Variants in RBM33 observed in about 807,000 individuals in gnomAD.
RBM33 encodes the protein RNA-binding protein 33.
Under a neutral mutation model 132.6 loss-of-function variants are expected in RBM33, and 28 were observed. The ratio of observed to expected loss-of-function variants is 0.21; its 90% CI spans 0.16 to 0.29. RBM33 has a LOEUF of 0.29. RBM33 is among the 10% of genes least tolerant of loss of function. The probability of loss-of-function intolerance (pLI) is 1.00; values close to 1 mark genes in which losing one functional copy is unlikely to be tolerated. For missense variants in RBM33, 1,291 were observed against 1,518.5 expected, an observed-to-expected ratio of 0.85 and a Z score of 2.49; for synonymous variants, 634 against 593.0, an observed-to-expected ratio of 1.07 and a Z score of -1.01.
chr7:155,751,110 G>A (rs568346264), intron 14 of RBM33, among the ~76,000 whole-genome samples: 12 of 152,176 alleles, frequency 7.9e-5, no homozygotes, highest in Admixed American at 7.2e-4. Context: ...TACCTGATCC[G>A]TTTTGTGGAG....
intron 6 of RBM33, among the ~76,000 whole-genome samples, chr7:155,704,154 C>T (rs926954938): frequency 6.6e-6 from 1 of 152,136 alleles, no homozygotes; most frequent in Non-Finnish European, 1.5e-5. Context: ...ATATATATGA[C>T]AGCCTCAGCA....
chr7:155,750,564 C>CAATG (rs554359754), intron 14 of RBM33, among the ~76,000 whole-genome samples: 200 of 152,290 alleles, frequency 1.3e-3, no homozygotes, highest in Non-Finnish European at 2.6e-3. Flanking sequence ...TGCCTGGCCT[C>CAATG]AATGAATCCC....
chr7:155,673,940 G>GTTGTTGTTTGTTTGT, intron 3 of RBM33, among the ~76,000 whole-genome samples: 1 of 54,214 alleles, frequency 1.8e-5, no homozygotes, highest in East Asian at 6.7e-4. Flanking sequence ...TTTAGGCTTA[G>GTTGTTGTTTGTTTGT]TTTTTTTTTT....
chr7:155,747,925 A>G (rs150447141), intron 14 of RBM33, among the ~76,000 whole-genome samples: 1 of 152,324 alleles, frequency 6.6e-6, no homozygotes, highest in Non-Finnish European at 1.5e-5. Flanking sequence ...TTAATTGCAA[A>G]TTGTGCTTAT....
At chr7:155,766,410 G>A in intron 15 of RBM33, 57 bp from the exon 16 acceptor site, 1 of 1,555,118 alleles carries the variant, frequency 6.4e-7, no homozygotes, top group Non-Finnish European at 8.8e-7. Flanking sequence ...ATATCTTAGT[G>A]ACTATCGAAG....
chr7:155,715,234 C>T (rs1350473185), intron 8 of RBM33, among the ~76,000 whole-genome samples: 3 of 152,190 alleles, frequency 2.0e-5, no homozygotes, highest in Non-Finnish European at 2.9e-5. Context: ...TAATCCTTTG[C>T]ATCTTCCCCA....
chr7:155,653,947 T>C (rs1798424400), intron 1 of RBM33, among the ~76,000 whole-genome samples: 1 of 152,188 alleles, frequency 6.6e-6, no homozygotes, highest in Non-Finnish European at 1.5e-5. Flanking sequence ...CTGTGGGGCC[T>C]GCCCGAACTC....
At chr7:155,686,168 G>A (rs970565493) in intron 5 of RBM33, among the ~76,000 whole-genome samples, 18 of 152,210 alleles carry the variant, frequency 1.2e-4, no homozygotes, top group African/African-American at 3.4e-4. Flanking sequence ...AGTTGTAGAA[G>A]AATGTCCAAG....
intron 5 of RBM33, among the ~76,000 whole-genome samples, chr7:155,695,497 G>C (rs1430784938): frequency 2.0e-5 from 3 of 152,042 alleles, no homozygotes; most frequent in African/African-American, 7.2e-5. Flanking sequence ...TCTCACTCTG[G>C]CGCCCAGGCT....
At position 155,775,125 on chromosome 7, in the gene RBM33, A is replaced by T. The variant is rs571046871; in HGVS notation, c.*84A>T. 20 of 1,180,438 alleles carry T rather than the reference A, an allele frequency of 1.7e-5. No individual in the cohort carries two copies. In the Admixed American group the frequency reaches 2.7e-4, roughly 16 times the overall value. 73.1% of individuals were successfully genotyped at this position (1,180,438 alleles called of 1,614,324 possible). A position where few individuals can be genotyped will look rare whatever the true frequency, so the allele number is the denominator to read the frequency against. On this transcript the variant is annotated 3_prime_UTR_variant, in exon 18 of 18. Transcript: ENST00000401878. ...AGCTGCCGGCCGGCGCAGAACCCCC[A>T]GGAGCACAGGTCTCTCCGGGCCGCT...
At chr7:155,689,460 A>G (rs112719543) in intron 5 of RBM33, among the ~76,000 whole-genome samples, 19 of 149,462 alleles carry the variant, frequency 1.3e-4, no homozygotes, top group Admixed American at 9.4e-4. Flanking sequence ...GGTTTTTTGT[A>G]TCTCTATCTC....
intron 1 of RBM33, among the ~76,000 whole-genome samples, chr7:155,653,453 A>G (rs1278038005): frequency 6.7e-6 from 1 of 150,312 alleles, no homozygotes; most frequent in Non-Finnish European, 1.5e-5. Context: ...TATCTTTTCT[A>G]CACTAATGAG....
chr7:155,673,940 G>GTTGTTGTTTTTTTTTTTTTTTT, intron 3 of RBM33, among the ~76,000 whole-genome samples: 14 of 54,214 alleles, frequency 2.6e-4, no homozygotes, highest in African/African-American at 8.3e-4. Flanking sequence ...TTTAGGCTTA[G>GTTGTTGTTTTTTTTTTTTTTTT]TTTTTTTTTT....
At chr7:155,698,613 A>G (rs1799869345) in intron 5 of RBM33, among the ~76,000 whole-genome samples, 1 of 152,224 alleles carries the variant, frequency 6.6e-6, no homozygotes. Flanking sequence ...CTGAGCCCCA[A>G]GATTTGGACC....
At chr7:155,650,478 G>C (rs945735745) in intron 1 of RBM33, among the ~76,000 whole-genome samples, 1 of 152,100 alleles carries the variant, frequency 6.6e-6, no homozygotes, top group Non-Finnish European at 1.5e-5. Context: ...TCCACATTTT[G>C]TTCTTTTTAA....
intron 1 of RBM33, among the ~76,000 whole-genome samples, chr7:155,648,850 C>A (rs892458760): frequency 6.6e-6 from 1 of 152,134 alleles, no homozygotes; most frequent in African/African-American, 2.4e-5. Context: ...TGGCTTCCAT[C>A]GTTTCTGATG....
At chr7:155,683,721 G>A (rs1405933102) in intron 5 of RBM33, among the ~76,000 whole-genome samples, 2 of 152,178 alleles carry the variant, frequency 1.3e-5, no homozygotes, top group Admixed American at 6.5e-5. Context: ...AGTAAGGAGT[G>A]TATATTGGTT....
intron 5 of RBM33, among the ~76,000 whole-genome samples, chr7:155,692,810 T>G (rs1799684015): frequency 6.6e-6 from 1 of 152,220 alleles, no homozygotes; most frequent in Non-Finnish European, 1.5e-5. Context: ...ACAATTCCAC[T>G]TTAACAAATT....
intron 1 of RBM33, among the ~76,000 whole-genome samples, chr7:155,656,311 G>A (rs779239007): frequency 2.0e-5 from 3 of 152,160 alleles, no homozygotes; most frequent in Non-Finnish European, 4.4e-5. Context: ...CCACTGCATG[G>A]TGGCACAAAA....
Sources: gnomAD v4.1 joint callset for allele counts (sites outside exome capture counted in the v4.1 genomes callset) on GRCh38, gnomAD v4.1.1 for gene constraint, MANE v1.5 for transcripts, NCBI Gene and HGNC (gene_info 2026-07-23, HGNC 2026-07-21) for gene names.